Variants in HHAT observed in about 807,000 individuals in gnomAD.
HHAT encodes hedgehog acyltransferase.
A neutral mutation model predicts 70.8 loss-of-function variants in HHAT; 47 were observed. The ratio of observed to expected loss-of-function variants is 0.66; its 90% CI spans 0.53 to 0.85. HHAT has a LOEUF of 0.85. HHAT is among the 40% of genes least tolerant of loss of function. The pLI is 0.00. For synonymous variants in HHAT, 228 were observed against 247.6 expected (o/e 0.92, Z 0.74); for missense variants, 609 against 604.8 (o/e 1.01, Z -0.07).
chr1:210,645,482 G>A (rs1008854470), intron 11 of HHAT, among the ~76,000 whole-genome samples: 5 of 152,152 alleles, frequency 3.3e-5, no homozygotes, highest in Admixed American at 3.3e-4. Context: ...GTTTCACCAT[G>A]TTAGCCAGGA....
intron 3 of HHAT, among the ~76,000 whole-genome samples, chr1:210,385,169 G>C (rs1300548553): frequency 6.7e-6 from 1 of 150,058 alleles, no homozygotes; most frequent in Non-Finnish European, 1.5e-5. Flanking sequence ...AAGTTTCGAG[G>C]CATAGGTAAG....
intron 10 of HHAT, among the ~76,000 whole-genome samples, chr1:210,612,434 C>T (rs1666792417): frequency 6.6e-6 from 1 of 152,148 alleles, no homozygotes. Flanking sequence ...GCTTATTTCA[C>T]TTAGCATAAT....
intron 11 of HHAT, among the ~76,000 whole-genome samples, chr1:210,636,289 G>A (rs1671847821): frequency 6.6e-6 from 1 of 152,142 alleles, no homozygotes; most frequent in South Asian, 2.1e-4. Flanking sequence ...CCTTAGGGAG[G>A]GATTCACTTC....
chr1:210,359,766 C>G (rs2088054133), intron 2 of HHAT, among the ~76,000 whole-genome samples: 1 of 152,020 alleles, frequency 6.6e-6, no homozygotes, highest in African/African-American at 2.4e-5. Flanking sequence ...ACTTGAGAGT[C>G]TGAGGCAGAA....
chr1:210,447,255 G>C (rs2093653870), intron 7 of HHAT, among the ~76,000 whole-genome samples: 1 of 152,190 alleles, frequency 6.6e-6, no homozygotes, highest in Non-Finnish European at 1.5e-5. Context: ...AGCTGTGACA[G>C]TAGATGTGCA....
intron 10 of HHAT, among the ~76,000 whole-genome samples, chr1:210,597,340 T>C (rs921044024): frequency 6.6e-6 from 1 of 151,954 alleles, no homozygotes; most frequent in East Asian, 1.9e-4. Flanking sequence ...GGCTACCACC[T>C]ATGTTTGCTC....
intron 8 of HHAT, among the ~76,000 whole-genome samples, chr1:210,510,209 A>C (rs1343065692): frequency 1.3e-5 from 2 of 151,984 alleles, no homozygotes; most frequent in Non-Finnish European, 2.9e-5. Flanking sequence ...GTAGAGGAGG[A>C]GATGGGAGAG....
chr1:210,572,212 A>G (rs1298270238), intron 9 of HHAT, among the ~76,000 whole-genome samples: 2 of 152,168 alleles, frequency 1.3e-5, no homozygotes, highest in Non-Finnish European at 2.9e-5. Flanking sequence ...AATTATGGTA[A>G]ATGAGAGGCA....
At chr1:210,418,117 A>C (rs763153983) in intron 6 of HHAT, 37 bp from the exon 7 acceptor site, 1 of 1,603,794 alleles carries the variant, frequency 6.2e-7, no homozygotes, top group East Asian at 2.2e-5. Context: ...TTAGGAATCA[A>C]GGCACCATCG....
chr1:210,579,149 G>A (rs1658606418), intron 9 of HHAT, among the ~76,000 whole-genome samples: 1 of 152,132 alleles, frequency 6.6e-6, no homozygotes, highest in Admixed American at 6.6e-5. Context: ...GATGGAGGGT[G>A]GGAGGAGGGA....
Position 210,544,736 on chromosome 1 carries a change from C to T in HHAT, c.1043+31548C>T, listed in dbSNP as rs866564635. ...ATCTAGTTCATACATGGGTTTGGTT[C>T]TCTTATAGGTGTCCTTCCGCTCCCA... On this transcript the variant is annotated intron_variant, in intron 9 of 11. Transcript: ENST00000261458. Among the ~76,000 whole-genome samples the T allele has an allele frequency of 2.1e-4, 32 of 152,192 alleles. 1 individual carries two copies. The highest frequency in any genetic ancestry group is 3.4e-3 in the Middle Eastern group (1 of 294).
intron 9 of HHAT, among the ~76,000 whole-genome samples, chr1:210,561,933 T>G (rs867189742): frequency 2.6e-5 from 4 of 152,206 alleles, no homozygotes; most frequent in East Asian, 1.9e-4. Flanking sequence ...TGACACCTGA[T>G]AGTCACTTAC....
intron 9 of HHAT, among the ~76,000 whole-genome samples, chr1:210,568,941 A>G (rs879346607): frequency 6.6e-6 from 1 of 152,116 alleles, no homozygotes; most frequent in Admixed American, 6.5e-5. Context: ...CAAGTCCCCA[A>G]CCTGTGTGAT....
chr1:210,564,100 C>T (rs1212685434), intron 9 of HHAT, among the ~76,000 whole-genome samples: 1 of 149,660 alleles, frequency 6.7e-6, no homozygotes, highest in Non-Finnish European at 1.5e-5. Context: ...GTTACAGGAA[C>T]GTACCACCAT....
At chr1:210,506,295 G>A (rs928209111) in intron 8 of HHAT, among the ~76,000 whole-genome samples, 3 of 151,428 alleles carry the variant, frequency 2.0e-5, no homozygotes, top group Non-Finnish European at 3.0e-5. Context: ...AGCTGCTGCT[G>A]TGGGAGGGAG....
intron 10 of HHAT, among the ~76,000 whole-genome samples, chr1:210,603,525 C>T (rs949569839): frequency 3.3e-5 from 5 of 152,162 alleles, no homozygotes; most frequent in Non-Finnish European, 7.3e-5. Flanking sequence ...AAATTACCCA[C>T]TGGAGGTGAC....
chr1:210,630,058 G>C (rs549165388), intron 11 of HHAT, among the ~76,000 whole-genome samples: 2 of 152,236 alleles, frequency 1.3e-5, no homozygotes, highest in African/African-American at 4.8e-5. Flanking sequence ...CGTCAGGCTG[G>C]TCTTGAACTC....
intron 8 of HHAT, among the ~76,000 whole-genome samples, chr1:210,466,146 C>T (rs552247025): frequency 4.0e-5 from 6 of 149,666 alleles, no homozygotes; most frequent in South Asian, 4.2e-4. Context: ...TGCAAGGAAT[C>T]GCAAGGAATT....
At chr1:210,519,527 C>CATTTTTTTTT (rs2095116598) in intron 9 of HHAT, among the ~76,000 whole-genome samples, 1 of 127,474 alleles carries the variant, frequency 7.8e-6, no homozygotes, top group Non-Finnish European at 1.6e-5. Context: ...ATTTTCTTTG[C>CATTTTTTTTT]TTTTTTTTTT....
Sources: allele counts gnomAD v4.1 joint callset (sites outside exome capture counted in the v4.1 genomes callset), GRCh38; gene constraint gnomAD v4.1.1; transcripts MANE v1.5; gene names NCBI Gene and HGNC (gene_info 2026-07-23, HGNC 2026-07-21).